RIMBP2: variants seen among roughly 807,000 people sequenced by gnomAD.
RIMBP2 encodes the protein RIMS-binding protein 2.
RIMBP2 carries 48 observed loss-of-function variants against 118.6 expected under a neutral mutation model. That is an observed-to-expected ratio of 0.40 (90% CI 0.32 to 0.51). The LOEUF (loss-of-function observed/expected upper bound fraction) is 0.51. RIMBP2 is among the 20% of genes least tolerant of loss of function. The probability of loss-of-function intolerance (pLI) is 0.41; values close to 1 mark genes in which losing one functional copy is unlikely to be tolerated. For missense variants in RIMBP2, 1,551 were observed against 1,768.3 expected, an observed-to-expected ratio of 0.88 and a Z score of 2.20; for synonymous variants, 762 against 742.9, an observed-to-expected ratio of 1.03 and a Z score of -0.42.
chr12:130,418,753 C>G (rs142136575), intron 17 of RIMBP2, among the ~76,000 whole-genome samples: 11 of 152,250 alleles, frequency 7.2e-5, no homozygotes, highest in African/African-American at 2.4e-4. Flanking sequence ...CTATAGCCTA[C>G]GTAAGAGTGC....
chr12:130,452,757 G>T (rs1057232513), intron 7 of RIMBP2, among the ~76,000 whole-genome samples: 1 of 152,184 alleles, frequency 6.6e-6, no homozygotes, highest in East Asian at 1.9e-4. Context: ...GGGGGGCCGC[G>T]TGTGACTGCA....
In RIMBP2 at chr12:130,511,698, G is replaced by A. The variant is rs1161743243; in HGVS notation, c.-126-4928C>T. Among the ~76,000 whole-genome samples, 9 of 152,194 alleles carry A rather than the reference G, an allele frequency of 5.9e-5. No individual in the cohort carries two copies. The highest frequency in any genetic ancestry group is 5.2e-4 in the Admixed American group (8 of 15,284). ...TCTGTGACACGGTTCTGATGAGCCT[G>A]GAGCAGAAATCTCTAGAGGACAATG... is the stretch of plus-strand genomic sequence containing the variant. On this transcript the variant is annotated intron_variant, in intron 3 of 22. Coordinates refer to ENST00000690449, the MANE Select transcript of RIMBP2 (RefSeq NM_001393629.1). This position sits in a 1 kb window ranked among gnomAD's most constrained non-coding sequence, Gnocchi z 4.3.
intron 1 of RIMBP2, among the ~76,000 whole-genome samples, chr12:130,664,471 G>A (rs75225902): frequency 0.01 from 1,314 of 130,548 alleles, 105 homozygotes; most frequent in African/African-American, 0.037. Context: ...GCACACACAC[G>A]CACGCACACG....
At chr12:130,559,744 T>C (rs1315683156) in intron 2 of RIMBP2, among the ~76,000 whole-genome samples, 1 of 152,184 alleles carries the variant, frequency 6.6e-6, no homozygotes, top group African/African-American at 2.4e-5. Flanking sequence ...CTGTAGAGAC[T>C]AAGGGTGCTG....
chr12:130,439,064 T>C (rs1042536248), intron 11 of RIMBP2, among the ~76,000 whole-genome samples: 2 of 149,946 alleles, frequency 1.3e-5, no homozygotes, highest in African/African-American at 4.9e-5. Flanking sequence ...CCCATGAAAC[T>C]GAGCAAAACT....
At chr12:130,598,104 A>G (rs1764128397) in intron 2 of RIMBP2, among the ~76,000 whole-genome samples, 1 of 152,230 alleles carries the variant, frequency 6.6e-6, no homozygotes. Context: ...CACAAACAAA[A>G]ACTTAAAGTT....
intron 1 of RIMBP2, among the ~76,000 whole-genome samples, chr12:130,663,691 G>A (rs7965225): frequency 0.54 from 81,106 of 151,474 alleles, 22,923 homozygotes; most frequent in Non-Finnish European, 0.62. Context: ...GTCCCCAGAC[G>A]CCTCTGAGTG....
chr12:130,442,853 C>T lies in RIMBP2; in HGVS notation c.692-193G>A, dbSNP rs942025165. Among the ~76,000 whole-genome samples, 2 of 152,206 alleles carry T rather than the reference C, an allele frequency of 1.3e-5. No homozygotes were observed. Among genetic ancestry groups the T allele is most frequent in the African/African-American group, 4.8e-5 (2 of 41,438 alleles). On this transcript the variant is annotated intron_variant, in intron 10 of 22. Coordinates refer to ENST00000690449, the MANE Select transcript of RIMBP2 (RefSeq NM_001393629.1). This position sits in a 1 kb window ranked among gnomAD's most constrained non-coding sequence, Gnocchi z 6.9. ...CCATCTAAAGAGCCAGCTCCTCCAT[C>T]CCCGTGGCCCAGTCTTCTTTTCTCC...
chr12:130,664,415 A>ACG (rs1195044326), intron 1 of RIMBP2, among the ~76,000 whole-genome samples: 5 of 130,490 alleles, frequency 3.8e-5, no homozygotes, highest in Non-Finnish European at 5.1e-5. Flanking sequence ...ACGCACGCAC[A>ACG]CACACGCACA....
Position 130,451,184 on chromosome 12 carries a change from A to T in RIMBP2, c.504+11T>A. 1 of 1,612,060 alleles carries T rather than the reference A, an allele frequency of 6.2e-7. No individual in the cohort carries two copies. Among genetic ancestry groups the T allele is most frequent in the South Asian group, 1.1e-5 (1 of 91,008 alleles). ...AGGCAGCCCCGGCAGCCCCTGCGGGACGGGACTCACGTCTGACTCAGATCT... is the reference window on the plus strand; with the variant it reads ...AGGCAGCCCCGGCAGCCCCTGCGGGTCGGGACTCACGTCTGACTCAGATCT... On this transcript the variant is annotated intron_variant, in intron 8 of 22. Transcript: ENST00000690449.
At chr12:130,700,899 CTT>C (rs2136761868) in intron 1 of RIMBP2, among the ~76,000 whole-genome samples, 1 of 152,328 alleles carries the variant, frequency 6.6e-6, no homozygotes, top group East Asian at 1.9e-4. Context: ...ACAGTGCACA[CTT>C]TGTGAGCACC....
At position 130,471,151 on chromosome 12, in the gene RIMBP2, C is replaced by T. The variant is rs114311681; in HGVS notation, c.103-408G>A. 5.1e-3 allele frequency among the ~76,000 whole-genome samples: 782 copies of T among 152,302 alleles called. 9 individuals are homozygous for T. The highest frequency in any genetic ancestry group is 0.018 in the African/African-American group (742 of 41,568). ...CCTCACCAGGCCCTGGAGGAGGGGCCGGGGCTGGGTCCTGAGCATGCAACA... is the reference window on the plus strand; with the variant it reads ...CCTCACCAGGCCCTGGAGGAGGGGCTGGGGCTGGGTCCTGAGCATGCAACA... On this transcript the variant is annotated intron_variant, in intron 5 of 22. Coordinates refer to ENST00000690449, the MANE Select transcript of RIMBP2 (RefSeq NM_001393629.1).
chr12:130,504,680 C>T (rs867824573), intron 4 of RIMBP2, among the ~76,000 whole-genome samples: 2 of 149,560 alleles, frequency 1.3e-5, no homozygotes, highest in Non-Finnish European at 3.0e-5. Context: ...ATGACTACGT[C>T]GCTTTAAGCC....
intron 1 of RIMBP2, among the ~76,000 whole-genome samples, chr12:130,639,052 T>C (rs1017782333): frequency 3.3e-5 from 5 of 152,188 alleles, no homozygotes; most frequent in East Asian, 1.9e-4. Flanking sequence ...GAACTCCCTG[T>C]ACTCTTTGAT....
chr12:130,608,580 G>C (rs2060324636), intron 2 of RIMBP2, among the ~76,000 whole-genome samples: 1 of 152,222 alleles, frequency 6.6e-6, no homozygotes, highest in African/African-American at 2.4e-5. Context: ...CCTCCTCCTG[G>C]GGGGAGGTGG....
At chr12:130,637,660 G>A (rs890307691) in intron 1 of RIMBP2, among the ~76,000 whole-genome samples, 4 of 152,278 alleles carry the variant, frequency 2.6e-5, no homozygotes, top group African/African-American at 7.2e-5. Flanking sequence ...GGGATTTGTG[G>A]GACTTGGTTA....
intron 1 of RIMBP2, among the ~76,000 whole-genome samples, chr12:130,714,557 T>C (rs1950193678): frequency 1.3e-5 from 2 of 152,180 alleles, no homozygotes; most frequent in African/African-American, 4.8e-5. Context: ...TGACCCAGTT[T>C]GCCATCCTCT....
intron 7 of RIMBP2, among the ~76,000 whole-genome samples, chr12:130,455,191 C>G (rs1181012396): frequency 1.3e-5 from 2 of 152,272 alleles, no homozygotes; most frequent in Non-Finnish European, 2.9e-5. Context: ...CACGTGCATT[C>G]TGTTTTCCCC....
chr12:130,479,065 G>A, intron 4 of RIMBP2, 49 bp from the exon 5 acceptor site: 1 of 1,488,062 alleles, frequency 6.7e-7, no homozygotes, highest in Non-Finnish European at 9.3e-7. Context: ...CTGTGCCCAT[G>A]GGCGTGCATC....
Sources: allele counts gnomAD v4.1 joint callset (sites outside exome capture counted in the v4.1 genomes callset), GRCh38; gene constraint gnomAD v4.1.1; non-coding constraint Gnocchi (gnomAD v3.1); transcripts MANE v1.5; gene names NCBI Gene and HGNC (gene_info 2026-07-23, HGNC 2026-07-21).